CTNNA3: variants seen among roughly 807,000 people sequenced by gnomAD.
CTNNA3 encodes the protein catenin alpha-3.
In CTNNA3, 76 loss-of-function variants were observed where a neutral mutation model predicts 95.7. The ratio of observed to expected loss-of-function variants is 0.79; its 90% confidence interval spans 0.66 to 0.96. The LOEUF is 0.96. Among genes scored for constraint, CTNNA3 ranks in the 40% least tolerant of loss-of-function variants. CTNNA3 has a pLI of 0.00. For missense variants in CTNNA3, 1,191 were observed against 1,089.8 expected (o/e 1.09, Z -1.31); for synonymous variants, 431 against 374.4 (o/e 1.15, Z -1.74).
chr10:66,797,885 A>G (rs1162489477), intron 7 of CTNNA3, among the ~76,000 whole-genome samples: 1 of 151,894 alleles, frequency 6.6e-6, no homozygotes, highest in Non-Finnish European at 1.5e-5. Context: ...CCTATTTCCT[A>G]TCTCATTTAA....
At chr10:66,588,930 C>G (rs1425458996) in intron 10 of CTNNA3, among the ~76,000 whole-genome samples, 1 of 135,624 alleles carries the variant, frequency 7.4e-6, no homozygotes, top group Non-Finnish European at 1.5e-5. Context: ...GTGTCTGAAG[C>G]CAACATCAGT....
chr10:66,374,805 C>T (rs911283257), intron 12 of CTNNA3, among the ~76,000 whole-genome samples: 3 of 151,526 alleles, frequency 2.0e-5, no homozygotes, highest in Non-Finnish European at 2.9e-5. Context: ...TTTCTAGAGA[C>T]GGGGTTTCAC....
At chr10:66,219,593 A>T (rs2088789809) in intron 13 of CTNNA3, among the ~76,000 whole-genome samples, 1 of 150,830 alleles carries the variant, frequency 6.6e-6, no homozygotes, top group Admixed American at 6.6e-5. Flanking sequence ...GAGAAACCTT[A>T]GAGTCAGATC....
At chr10:66,621,498 C>A (rs1260370277) in intron 10 of CTNNA3, among the ~76,000 whole-genome samples, 194 bp downstream of exon 10, 1 of 151,550 alleles carries the variant, frequency 6.6e-6, no homozygotes, top group Non-Finnish European at 1.5e-5. Context: ...GTGGCGCATG[C>A]CTGTAATCCC....
intron 9 of CTNNA3, among the ~76,000 whole-genome samples, chr10:66,648,529 C>A (rs1845785367): frequency 6.6e-6 from 1 of 152,038 alleles, no homozygotes; most frequent in Non-Finnish European, 1.5e-5. Flanking sequence ...TACCTAAAGA[C>A]CGGGGACAAG....
intron 7 of CTNNA3, among the ~76,000 whole-genome samples, chr10:66,918,994 G>A (rs1677759157): frequency 6.6e-6 from 1 of 151,900 alleles, no homozygotes; most frequent in Non-Finnish European, 1.5e-5. Flanking sequence ...AATTAGCCGG[G>A]CGTGGTGGCA....
chr10:67,269,741 G>C (rs1379455453), intron 5 of CTNNA3, among the ~76,000 whole-genome samples: 2 of 152,130 alleles, frequency 1.3e-5, no homozygotes, highest in Non-Finnish European at 2.9e-5. Context: ...AGATCAAGTT[G>C]AAGTCCTAGT....
chr10:66,516,901 C>A (rs1398753459), intron 11 of CTNNA3, among the ~76,000 whole-genome samples: 1 of 152,092 alleles, frequency 6.6e-6, no homozygotes, highest in Non-Finnish European at 1.5e-5. Context: ...GGAACATGAA[C>A]AGAATTCAGA....
chr10:66,309,610 CG>C (rs2091980259), intron 12 of CTNNA3, among the ~76,000 whole-genome samples: 1 of 132,448 alleles, frequency 7.6e-6, no homozygotes, highest in Admixed American at 9.0e-5. Flanking sequence ...GGTGTGAACC[CG>C]GGAGGCGGAG....
At chr10:66,655,791 A>G (rs1029554646) in intron 9 of CTNNA3, among the ~76,000 whole-genome samples, 4 of 152,026 alleles carry the variant, frequency 2.6e-5, no homozygotes, top group African/African-American at 9.7e-5. Context: ...AGAGCATTGA[A>G]GTCTCAAAAC....
At chr10:66,530,701 A>C (rs1564514985) in intron 10 of CTNNA3, among the ~76,000 whole-genome samples, 1 of 152,096 alleles carries the variant, frequency 6.6e-6, no homozygotes, top group Non-Finnish European at 1.5e-5. Context: ...ACTGCATTCA[A>C]CTTTGGCCTC....
chr10:67,509,899 T>C (rs1839555718), intron 5 of CTNNA3, among the ~76,000 whole-genome samples: 1 of 152,226 alleles, frequency 6.6e-6, no homozygotes, highest in Non-Finnish European at 1.5e-5. Context: ...TGGCGTGAGA[T>C]GGTATCTCAT....
chr10:67,644,667 A>AACTCTTG, intron 2 of CTNNA3, among the ~76,000 whole-genome samples: 2 of 152,018 alleles, frequency 1.3e-5, no homozygotes, highest in Non-Finnish European at 2.9e-5. Context: ...GGAGAATCCC[A>AACTCTTG]TTATTAAAAA....
At chr10:67,201,659 G>C (rs1383677690) in intron 6 of CTNNA3, among the ~76,000 whole-genome samples, 2 of 152,076 alleles carry the variant, frequency 1.3e-5, no homozygotes, top group Non-Finnish European at 2.9e-5. Flanking sequence ...AAACTGATTA[G>C]ATGTCAATAA....
At chr10:66,465,365 C>T (rs1838869612) in intron 11 of CTNNA3, among the ~76,000 whole-genome samples, 1 of 152,044 alleles carries the variant, frequency 6.6e-6, no homozygotes, top group East Asian at 1.9e-4. Flanking sequence ...AGTGTTCAGA[C>T]TTAGGATCAC....
intron 9 of CTNNA3, among the ~76,000 whole-genome samples, chr10:66,634,912 T>C (rs550574980): frequency 3.3e-5 from 5 of 152,130 alleles, no homozygotes; most frequent in Non-Finnish European, 7.4e-5. Flanking sequence ...TACAGTATTA[T>C]TGCTTCCAAT....
At chr10:66,149,312 T>C (rs1339482819) in intron 13 of CTNNA3, among the ~76,000 whole-genome samples, 5 of 150,202 alleles carry the variant, frequency 3.3e-5, no homozygotes, top group Non-Finnish European at 5.9e-5. Flanking sequence ...TAAGGAATGT[T>C]CATTATACAT....
intron 7 of CTNNA3, among the ~76,000 whole-genome samples, chr10:66,865,083 C>A (rs1226505580): frequency 6.6e-6 from 1 of 152,010 alleles, no homozygotes; most frequent in Non-Finnish European, 1.5e-5. Flanking sequence ...CCAAAAAAAT[C>A]ATTTAACCTC....
At chr10:67,311,685 T>C (rs540114942) in intron 5 of CTNNA3, among the ~76,000 whole-genome samples, 3 of 152,306 alleles carry the variant, frequency 2.0e-5, no homozygotes, top group South Asian at 2.1e-4. Flanking sequence ...CACAGACATA[T>C]ATTTAAGTGT....
Sources: allele counts gnomAD v4.1 joint callset (sites outside exome capture counted in the v4.1 genomes callset), GRCh38; gene constraint gnomAD v4.1.1; transcripts MANE v1.5; gene names NCBI Gene and HGNC (gene_info 2026-07-23, HGNC 2026-07-21).